RECQL: variants seen among roughly 807,000 people sequenced by gnomAD.
RECQL encodes the protein RecQ like helicase.
A neutral mutation model predicts 75.8 loss-of-function variants in RECQL; 73 were observed. That is an observed-to-expected ratio of 0.96 (90% CI 0.80 to 1.17). The LOEUF (loss-of-function observed/expected upper bound fraction) is 1.17, where lower values mean the gene tolerates loss of function less well. RECQL is among the 50% of genes most tolerant of loss of function. RECQL has a pLI of 0.00. For synonymous variants in RECQL, 248 were observed against 254.4 expected (o/e 0.97, Z 0.24); for missense variants, 699 against 772.1 (o/e 0.91, Z 1.12).
rs562682925 is a variant in RECQL, at chr12:21,499,877, C to T, written c.-45-262G>A. 3.9e-5 allele frequency among the ~76,000 whole-genome samples: 6 copies of T among 152,282 alleles called. No individual in the cohort carries two copies. The East Asian group carries it at 1.2e-3, about 29-fold the overall frequency. ...AGAGAAGTGTCCAAAGTCACATAAA[C>T]GTATACATGACAAATACAGTAGCAA... On this transcript the variant is annotated intron_variant, in intron 1 of 14. Coordinates refer to ENST00000444129, the MANE Select transcript of RECQL (RefSeq NM_002907.4).
Position 21,483,368 on chromosome 12 carries a change from A to G in RECQL, c.700+8T>C. ...CATCAAAAAGTTTTCTAGATAAAACATACATACCAGGTCTGAAATCATGTC... is the reference window on the plus strand; with the variant it reads ...CATCAAAAAGTTTTCTAGATAAAACGTACATACCAGGTCTGAAATCATGTC... On this transcript the variant is annotated splice_region_variant and intron_variant, in intron 6 of 14. Transcript: ENST00000444129. 6.3e-7 allele frequency: 1 copy of G among 1,592,928 alleles called. No homozygotes were observed. The highest frequency in any genetic ancestry group is 8.5e-7 in the Non-Finnish European group (1 of 1,170,490).
At chr12:21,471,729 G>A in intron 12 of RECQL, 82 bp from the exon 13 acceptor site, 1 of 1,093,304 alleles carries the variant, frequency 9.1e-7, no homozygotes, top group Non-Finnish European at 1.4e-6. Context: ...AGTTAAACTG[G>A]TTTAAAGCTG....
chr12:21,498,314 C>T (rs756576180), intron 2 of RECQL, among the ~76,000 whole-genome samples: 10 of 152,136 alleles, frequency 6.6e-5, no homozygotes, highest in Non-Finnish European at 1.3e-4. Context: ...GTGAATAGTG[C>T]TGTTTCTCCC....
At chr12:21,470,881 G>A in intron 14 of RECQL, 88 bp downstream of exon 14, 1 of 930,674 alleles carries the variant, frequency 1.1e-6, no homozygotes, top group African/African-American at 1.7e-5. Context: ...ATGTTCAACT[G>A]GACCTAGGGG....
At chr12:21,481,242 T>G (rs1000519498) in intron 6 of RECQL, among the ~76,000 whole-genome samples, 1 of 152,192 alleles carries the variant, frequency 6.6e-6, no homozygotes, top group African/African-American at 2.4e-5. Context: ...AGTAGAGTTA[T>G]GGGGAAAATA....
chr12:21,488,512 C>T (rs2137397219), intron 4 of RECQL, among the ~76,000 whole-genome samples: 1 of 152,302 alleles, frequency 6.6e-6, no homozygotes, highest in African/African-American at 2.4e-5. Context: ...CATCCTCCTA[C>T]TCATAGGACA....
rs73082680 is a variant in RECQL, at chr12:21,486,487, T to A, written c.493A>T (p.Ser165Cys). 2.5e-5 allele frequency: 40 copies of A among 1,587,678 alleles called. No individual in the cohort carries two copies. The highest frequency in any genetic ancestry group is 3.3e-5 in the Non-Finnish European group (39 of 1,171,834). The change falls in exon 5 of 15, where the codon AGT becomes TGT. Residue 165 changes from serine to cysteine, a missense_variant. Ser to Cys is a moderately radical substitution (Grantham distance 112). Around this residue, in one of 2 missense-constraint regions of RECQL, gnomAD observed 669 missense variants for 713.5 expected, o/e 0.94. Transcript: ENST00000444129. ...GISATMLNAS[S>C]SKEHVKWVHA... ...AAGCCACTGAAACATACCTTAGAAC[T>A]AGAAGCATTTAACATGGTTGCTGAA... is the stretch of plus-strand genomic sequence containing the variant.
chr12:21,499,404 C>T, intron 2 of RECQL, 151 bp downstream of exon 2: 1 of 668,126 alleles, frequency 1.5e-6, no homozygotes, highest in Non-Finnish European at 2.5e-6. Flanking sequence ...TAATGGTTAG[C>T]ATGGCAAAGT....
At chr12:21,479,350 ATTTT>A (rs11366827) in intron 6 of RECQL, among the ~76,000 whole-genome samples, 4 of 116,304 alleles carry the variant, frequency 3.4e-5, no homozygotes, top group Non-Finnish European at 1.9e-5. Flanking sequence ...TCATCATGTA[ATTTT>A]TTTTTTTTTT....
intron 3 of RECQL, 52 bp downstream of exon 3, chr12:21,491,467 T>G: frequency 6.6e-7 from 1 of 1,506,696 alleles, no homozygotes; most frequent in Non-Finnish European, 8.9e-7. Context: ...TTCTAGTTTT[T>G]TAAAATATGA....
chr12:21,475,885 AACAC>A, intron 8 of RECQL, 61 bp from the exon 9 acceptor site: 1 of 1,348,632 alleles, frequency 7.4e-7, no homozygotes. Context: ...GATGGTTTTC[AACAC>A]ACACATTCAG....
Position 21,471,165 on chromosome 12 carries a change from G to T in RECQL, c.1668-67C>A, listed in dbSNP as rs145840276. 587 of 1,429,532 alleles carry T rather than the reference G, an allele frequency of 4.1e-4. 1 individual carries two copies. In the African/African-American group the frequency reaches 7.4e-3, roughly 18 times the overall value. The allele number at this position is 1,429,532 out of a possible 1,614,324, so 88.6% of individuals were successfully genotyped here. A position where few individuals can be genotyped will look rare whatever the true frequency, so the allele number is the denominator to read the frequency against. ...AATCACGGAAAACAAATTTATAAAA[G>T]AAATAACTATATGCGCAGTAATTCT... On this transcript the variant is annotated intron_variant, in intron 13 of 14. Coordinates refer to ENST00000444129, the MANE Select transcript of RECQL (RefSeq NM_002907.4).
chr12:21,486,566 G>A lies in RECQL; in HGVS notation c.414C>T (p.Cys138=), dbSNP rs1330687345. 6.3e-7 allele frequency: 1 copy of A among 1,584,080 alleles called. No individual in the cohort carries two copies. The highest frequency in any genetic ancestry group is 8.6e-7 in the Non-Finnish European group (1 of 1,169,298). ...GGTCTTCCATAAGAGAGATCAATGG[G>A]CAAATGACGAGTGTAAAACCTAAAA... is the stretch of plus-strand genomic sequence containing the variant. The part of the protein sequence containing the change: ...LCSDGFTLVI[C]PLISLMEDQL... The change falls in exon 5 of 15, where the codon TGC becomes TGT. Residue 138 remains cysteine, a synonymous_variant. Transcript: ENST00000444129.
At chr12:21,477,021 A>C in intron 7 of RECQL, 29 bp from the exon 8 acceptor site, 1 of 1,518,050 alleles carries the variant, frequency 6.6e-7, no homozygotes, top group African/African-American at 1.4e-5. Flanking sequence ...ATTAAAAAGT[A>C]AATGAATGAG....
At position 21,483,239 on chromosome 12, in the gene RECQL, G is replaced by A. The variant is rs1332381553; in HGVS notation, c.700+137C>T. The A allele has an allele frequency of 6.5e-5, 45 of 695,802 alleles. No homozygotes were observed. The East Asian group carries it at 1.1e-3, about 16-fold the overall frequency. The allele number at this position is 695,802 out of a possible 1,614,324, so 43.1% of individuals were successfully genotyped here. On this transcript the variant is annotated intron_variant, in intron 6 of 14. Transcript: ENST00000444129. ...CAAAATTTAAAACCCTTTTGGTTCC[G>A]AACATTCTGGATAACGGATATTCAA...
At chr12:21,483,997 T>G (rs1943243642) in intron 5 of RECQL, among the ~76,000 whole-genome samples, 1 of 152,158 alleles carries the variant, frequency 6.6e-6, no homozygotes. Flanking sequence ...TGAACAAAAT[T>G]TATTATTTAT....
intron 4 of RECQL, among the ~76,000 whole-genome samples, chr12:21,488,261 C>G (rs1943343352): frequency 6.6e-6 from 1 of 152,270 alleles, no homozygotes; most frequent in East Asian, 1.9e-4. Context: ...TCAAACACAC[C>G]CTTCCCTAGC....
At chr12:21,488,815 G>A (rs1186398264) in intron 4 of RECQL, among the ~76,000 whole-genome samples, 3 of 152,168 alleles carry the variant, frequency 2.0e-5, no homozygotes, top group South Asian at 2.1e-4. Flanking sequence ...TCTTACCTGT[G>A]TAAAACTCTT....
At chr12:21,486,687 T>TTTTTTTTTTTTTTTTA (rs1491355154) in intron 4 of RECQL, 102 bp from the exon 5 acceptor site, 1 of 737,672 alleles carries the variant, frequency 1.4e-6, no homozygotes, top group African/African-American at 2.2e-5. Context: ...TTTTTTTTTT[T>TTTTTTTTTTTTTTTTA]AGAGATGGAG....
Sources: allele counts gnomAD v4.1 joint callset (sites outside exome capture counted in the v4.1 genomes callset), GRCh38; gene constraint gnomAD v4.1.1; regional missense constraint gnomAD v4.1.1; transcripts MANE v1.5; gene names NCBI Gene and HGNC (gene_info 2026-07-23, HGNC 2026-07-21).